The following ARMC2 variants were observed in gnomAD, a reference collection of about 807,000 sequenced individuals.
ARMC2 encodes the protein armadillo repeat containing 2.
In ARMC2, 67 loss-of-function variants were observed where a neutral mutation model predicts 90.3. The ratio of observed to expected loss-of-function variants is 0.74; its 90% CI spans 0.61 to 0.91. The LOEUF (loss-of-function observed/expected upper bound fraction) is 0.91. Among genes scored for constraint, ARMC2 ranks in the 40% least tolerant of loss-of-function variants. The pLI, the probability that ARMC2 is intolerant of heterozygous loss-of-function variation, is 0.00. For missense variants in ARMC2, 920 were observed against 1,030.9 expected, an observed-to-expected ratio of 0.89 and a Z score of 1.47; for synonymous variants, 393 against 393.0, an observed-to-expected ratio of 1.00 and a Z score of 0.00.
intron 13 of ARMC2, among the ~76,000 whole-genome samples, chr6:108,957,659 C>T (rs888586757): frequency 2.4e-4 from 36 of 152,308 alleles, no homozygotes; most frequent in African/African-American, 8.4e-4. Flanking sequence ...CTGCACCCTT[C>T]ACAAGGAGTT....
At chr6:109,038,065 C>A in the ARMC2 span, among the ~76,000 whole-genome samples, 5 of 152,208 alleles carry the variant, frequency 3.3e-5, no homozygotes, top group Non-Finnish European at 7.3e-5. Context: ...CTGGAAGGTT[C>A]CATGCTAGAG....
At chr6:109,016,721 TTC>T in the ARMC2 span, among the ~76,000 whole-genome samples, 1 of 152,180 alleles carries the variant, frequency 6.6e-6, no homozygotes, top group Admixed American at 6.5e-5. Flanking sequence ...CATTCTAGCT[TTC>T]TGTTTTGCCA....
chr6:108,863,440 C>T (rs1775489453), intron 3 of ARMC2, among the ~76,000 whole-genome samples: 1 of 152,156 alleles, frequency 6.6e-6, no homozygotes, highest in Non-Finnish European at 1.5e-5. Flanking sequence ...TGCCAGTTTA[C>T]GTCTTTTTTC....
the ARMC2 span, among the ~76,000 whole-genome samples, chr6:109,030,501 C>A: frequency 2.0e-5 from 3 of 152,110 alleles, no homozygotes; most frequent in Admixed American, 2.0e-4. Context: ...TCAAAATATT[C>A]TATTCTTAGC....
chr6:109,022,707 C>A, the ARMC2 span, among the ~76,000 whole-genome samples: 1 of 152,010 alleles, frequency 6.6e-6, no homozygotes, highest in African/African-American at 2.4e-5. Flanking sequence ...AAACACCATG[C>A]CTGGCCGTTC....
intron 3 of ARMC2, among the ~76,000 whole-genome samples, chr6:108,862,955 C>T (rs1045026283): frequency 3.3e-5 from 5 of 152,196 alleles, no homozygotes; most frequent in Non-Finnish European, 7.4e-5. Flanking sequence ...CCCATCCTAT[C>T]TGGCATGTGC....
the ARMC2 span, chr6:109,009,655 C>G: frequency 1.4e-6 from 1 of 693,500 alleles, no homozygotes; most frequent in South Asian, 6.6e-5. Context: ...GGGCTCGCGT[C>G]CCCGCAAAGC....
downstream of ARMC2, among the ~76,000 whole-genome samples, chr6:108,977,990 C>G (rs1158349040): frequency 2.0e-5 from 3 of 152,106 alleles, no homozygotes; most frequent in Non-Finnish European, 4.4e-5. Context: ...TTTTATGTCT[C>G]TATCACTTTC....
chr6:109,027,431 C>T, the ARMC2 span, among the ~76,000 whole-genome samples: 355 of 143,240 alleles, frequency 2.5e-3, 1 homozygote, highest in African/African-American at 8.8e-3. Flanking sequence ...GAGCTGAGAT[C>T]GCGCCACTGC....
chr6:109,038,261 G>A, the ARMC2 span, among the ~76,000 whole-genome samples: 3 of 152,238 alleles, frequency 2.0e-5, no homozygotes, highest in Non-Finnish European at 4.4e-5. Flanking sequence ...GAGAGACCAA[G>A]GTGGGCAGAT....
At chr6:109,001,628 C>A in the ARMC2 span, 1 of 713,450 alleles carries the variant, frequency 1.4e-6, no homozygotes, top group South Asian at 1.9e-5. Context: ...AATTTAAACT[C>A]AACTGGTTGA....
At chr6:108,929,561 G>T (rs1775362054) in intron 11 of ARMC2, among the ~76,000 whole-genome samples, 2 of 152,084 alleles carry the variant, frequency 1.3e-5, no homozygotes, top group South Asian at 4.1e-4. Context: ...CTACAGCCTC[G>T]ACTGCCCAGG....
chr6:109,052,652 T>C, the ARMC2 span, among the ~76,000 whole-genome samples: 1 of 152,240 alleles, frequency 6.6e-6, no homozygotes, highest in Non-Finnish European at 1.5e-5. Context: ...CAATTTTTAT[T>C]GACAAGCAGG....
rs1472345723 is a variant in ARMC2 at position 108,894,664 on chromosome 6, T to A, written c.748+121T>A. On this transcript the variant is annotated intron_variant, in intron 6 of 17. Coordinates refer to ENST00000392644, the MANE Select transcript of ARMC2 (RefSeq NM_032131.6). ...GAAGTTTGTCCAATTTGGTCACAAA[T>A]CAACATTTATTTTTATACATTTTTA... is the stretch of plus-strand genomic sequence containing the variant. 3.9e-6 allele frequency: 3 copies of A among 767,358 alleles called. 1 individual carries two copies. In the East Asian group the frequency reaches 9.8e-5, roughly 25 times the overall value. The allele number at this position is 767,358 out of a possible 1,614,324, so 47.5% of individuals were successfully genotyped here.
chr6:109,037,835 A>AT, the ARMC2 span, among the ~76,000 whole-genome samples: 1 of 152,002 alleles, frequency 6.6e-6, no homozygotes. Context: ...TTCCTCAGAG[A>AT]TAAAAATAGT....
chr6:109,041,476 C>T, the ARMC2 span, among the ~76,000 whole-genome samples: 1 of 151,868 alleles, frequency 6.6e-6, no homozygotes, highest in East Asian at 1.9e-4. Flanking sequence ...ATTTTGAGGA[C>T]AATGAAAAAG....
chr6:108,901,711 C>T lies in ARMC2; in HGVS notation c.847+1919C>T, dbSNP rs540629783. Among the ~76,000 whole-genome samples the T allele has an allele frequency of 9.2e-4, 140 of 152,292 alleles. 1 individual carries two copies. Among genetic ancestry groups the T allele is most frequent in the African/African-American group, 3.2e-3 (134 of 41,560 alleles). ...GGATTACAGGTGTGAGCCACTGAGC[C>T]GGCTGGCATGTATTTCTTAGAAACA... On this transcript the variant is annotated intron_variant, in intron 7 of 17. Transcript: ENST00000392644.
At position 108,973,632 on chromosome 6, in the gene ARMC2, GT is replaced by G; in HGVS notation, c.*122del. On this transcript the variant is annotated 3_prime_UTR_variant, in exon 18 of 18. Transcript: ENST00000392644. ...AATGTGGAAAGTTTTTCAAGAACTG[GT>G]TTTAGTGAGTAGCTGAAGTATTTTT... 2.1e-6 allele frequency: 2 copies of G among 967,164 alleles called. No homozygotes were observed. The highest frequency in any genetic ancestry group is 3.0e-6 in the Non-Finnish European group (2 of 673,464). 59.9% of individuals were successfully genotyped at this position (967,164 alleles called of 1,614,324 possible). A position where few individuals can be genotyped will look rare whatever the true frequency, so the allele number is the denominator to read the frequency against.
At chr6:108,904,061 A>T (rs892468001) in intron 7 of ARMC2, among the ~76,000 whole-genome samples, 169 bp from the exon 8 acceptor site, 5 of 152,228 alleles carry the variant, frequency 3.3e-5, no homozygotes, top group African/African-American at 1.2e-4. Flanking sequence ...AAAGGGATGA[A>T]AAAAATCAGG....
Sources: gnomAD v4.1 joint callset for allele counts (sites outside exome capture counted in the v4.1 genomes callset) on GRCh38, gnomAD v4.1.1 for gene constraint, MANE v1.5 for transcripts, NCBI Gene and HGNC (gene_info 2026-07-23, HGNC 2026-07-21) for gene names.